DNAAF4: variants seen among roughly 807,000 people sequenced by gnomAD.
DNAAF4 encodes the protein dynein axonemal assembly factor 4.
Under a neutral mutation model 51.8 loss-of-function variants are expected in DNAAF4, and 43 were observed. The observed-to-expected ratio is 0.83, with a 90% CI of 0.65 to 1.07. DNAAF4 has a LOEUF of 1.07. Ranked by LOEUF, DNAAF4 falls within the 50% of genes least tolerant of loss-of-function variation. The pLI is 0.00. For missense variants in DNAAF4, 581 were observed against 493.0 expected (o/e 1.18, Z -1.69); for synonymous variants, 194 against 165.6 (o/e 1.17, Z -1.32).
rs1555415275 is a variant in DNAAF4, at chr15:55,446,296, C to CGGCG, written c.783+3925_783+3926insCGCC. ...GCAGAGGCGCTCCTCACATCCCAGA[C>CGGCG]GGGGGGGGGGGGCAGCTGGGCAGAG... On this transcript the variant is annotated intron_variant, in intron 6 of 9. Transcript: ENST00000321149. Among the ~76,000 whole-genome samples the CGGCG allele has an allele frequency of 1.6e-4, 3 of 19,254 alleles. 1 individual carries two copies. Among genetic ancestry groups the CGGCG allele is most frequent in the African/African-American group, 1.4e-3 (3 of 2,182 alleles). 12.6% of individuals were successfully genotyped at this position (19,254 alleles called of 152,430 possible). A position where few individuals can be genotyped will look rare whatever the true frequency, so the allele number is the denominator to read the frequency against.
chr15:55,493,596 T>G (rs1005194819), intron 3 of DNAAF4, among the ~76,000 whole-genome samples: 2 of 152,258 alleles, frequency 1.3e-5, no homozygotes, highest in African/African-American at 4.8e-5. Context: ...AATTAGAGTC[T>G]GAATAATGAG....
At chr15:55,477,248 A>G (rs2058348012) in intron 4 of DNAAF4, among the ~76,000 whole-genome samples, 1 of 152,136 alleles carries the variant, frequency 6.6e-6, no homozygotes, top group South Asian at 2.1e-4. Flanking sequence ...ATGCCATGGA[A>G]CTGTATACTT....
At chr15:55,455,412 A>ATATATATT (rs1227228964) in intron 5 of DNAAF4, among the ~76,000 whole-genome samples, 2 of 146,186 alleles carry the variant, frequency 1.4e-5, no homozygotes, top group Non-Finnish European at 3.0e-5. Flanking sequence ...ATATATATAT[A>ATATATATT]TTCAATCTAA....
intron 5 of DNAAF4, among the ~76,000 whole-genome samples, chr15:55,451,077 C>A (rs564436284): frequency 6.6e-6 from 1 of 152,134 alleles, no homozygotes; most frequent in Non-Finnish European, 1.5e-5. Context: ...GCCTGGGCAA[C>A]AGAGTGAGAC....
intron 6 of DNAAF4, chr15:55,442,953 C>T: frequency 6.2e-7 from 1 of 1,611,240 alleles, no homozygotes; most frequent in South Asian, 1.1e-5. Flanking sequence ...ATAAGCAAAC[C>T]ATCCTTTTCT....
intron 4 of DNAAF4, among the ~76,000 whole-genome samples, chr15:55,489,472 G>A (rs141247689): frequency 0.014 from 2,063 of 152,040 alleles, 34 homozygotes; most frequent in African/African-American, 0.039. Context: ...TCAGGAGCTC[G>A]ACACCAACCT....
intron 7 of DNAAF4, chr15:55,418,367 C>A: frequency 6.5e-7 from 1 of 1,537,872 alleles, no homozygotes; most frequent in Non-Finnish European, 8.7e-7. Flanking sequence ...ATCAAAACCT[C>A]AAATGATTAT....
intron 6 of DNAAF4, among the ~76,000 whole-genome samples, chr15:55,447,536 G>T (rs1412261125): frequency 6.6e-6 from 1 of 151,756 alleles, no homozygotes; most frequent in Non-Finnish European, 1.5e-5. Flanking sequence ...CACCTCGGGA[G>T]GCCGAGGCGG....
rs2057759289 is a variant in DNAAF4 at position 55,444,123 on chromosome 15, C to T, written c.784-4542G>A. 2.0e-5 allele frequency among the ~76,000 whole-genome samples: 3 copies of T among 152,160 alleles called. No individual in the cohort carries two copies. In the South Asian group the frequency reaches 6.2e-4, roughly 32 times the overall value. On this transcript the variant is annotated intron_variant, in intron 6 of 9. Coordinates refer to ENST00000321149, the MANE Select transcript of DNAAF4 (RefSeq NM_130810.4). ...TTAGACATGAAGTCCTTGCCCATGCCTATGTCCTGAATGGTATTGTCTAGG... is the reference window on the plus strand; with the variant it reads ...TTAGACATGAAGTCCTTGCCCATGCTTATGTCCTGAATGGTATTGTCTAGG...
chr15:55,469,438 C>T (rs901534155), intron 4 of DNAAF4, among the ~76,000 whole-genome samples: 1 of 148,662 alleles, frequency 6.7e-6, no homozygotes, highest in African/African-American at 2.5e-5. Context: ...TCACTTCCAT[C>T]ACGAAACTTG....
intron 4 of DNAAF4, among the ~76,000 whole-genome samples, chr15:55,480,524 G>A (rs2058394747): frequency 6.6e-6 from 1 of 152,076 alleles, no homozygotes; most frequent in Admixed American, 6.6e-5. Context: ...CAAATGGACT[G>A]GAACCAATTG....
chr15:55,418,505 A>G, intron 7 of DNAAF4: 1 of 1,526,860 alleles, frequency 6.5e-7, no homozygotes, highest in Non-Finnish European at 8.8e-7. Flanking sequence ...TCAAAATAAC[A>G]CTCTAAATAC....
chr15:55,500,476 T>C (rs2058690710), intron 1 of DNAAF4, among the ~76,000 whole-genome samples: 1 of 152,234 alleles, frequency 6.6e-6, no homozygotes, highest in Admixed American at 6.5e-5. Flanking sequence ...ATTTCTTTCA[T>C]ATAAAATGTT....
chr15:55,430,966 T>G (rs1356509618), intron 9 of DNAAF4, among the ~76,000 whole-genome samples, 187 bp from the exon 10 acceptor site: 2 of 152,036 alleles, frequency 1.3e-5, no homozygotes, highest in South Asian at 2.1e-4. Context: ...CAGGCGGGAG[T>G]GCAGTGGCAT....
chr15:55,420,344 A>G (rs113461075), intron 7 of DNAAF4, among the ~76,000 whole-genome samples: 2 of 106,314 alleles, frequency 1.9e-5, no homozygotes, highest in Non-Finnish European at 3.5e-5. Flanking sequence ...TGATTCTACT[A>G]CACACAGATT....
chr15:55,428,484 CTTTTTTTTTT>C (rs747325376), downstream of DNAAF4, among the ~76,000 whole-genome samples: 10 of 85,016 alleles, frequency 1.2e-4, no homozygotes, highest in Non-Finnish European at 1.6e-4. Context: ...TCTTTTTTTT[CTTTTTTTTTT>C]TTTTTTTTTT....
intron 7 of DNAAF4, among the ~76,000 whole-genome samples, chr15:55,435,556 C>A (rs1405458992): frequency 6.6e-6 from 1 of 152,064 alleles, no homozygotes; most frequent in Non-Finnish European, 1.5e-5. Flanking sequence ...AGAAAGAAAC[C>A]GAGCCCTTCA....
At chr15:55,429,323 C>T (rs561735676), downstream of DNAAF4, among the ~76,000 whole-genome samples, 1 of 150,876 alleles carries the variant, frequency 6.6e-6, no homozygotes, top group East Asian at 2.0e-4. Context: ...AGTTCGAGAC[C>T]AACCTGGCCA....
chr15:55,497,917 T>C, intron 2 of DNAAF4, 58 bp from the exon 3 acceptor site: 1 of 1,548,976 alleles, frequency 6.5e-7, no homozygotes, highest in Non-Finnish European at 8.7e-7. Context: ...GCACGCGTAT[T>C]AAGAAACACG....
Sources: gnomAD v4.1 joint callset for allele counts (sites outside exome capture counted in the v4.1 genomes callset) on GRCh38, gnomAD v4.1.1 for gene constraint, MANE v1.5 for transcripts, NCBI Gene and HGNC (gene_info 2026-07-23, HGNC 2026-07-21) for gene names.